ERC2: variants seen among roughly 807,000 people sequenced by gnomAD.
ERC2 encodes ERC protein 2.
Under a neutral mutation model 114.8 loss-of-function variants are expected in ERC2, and 42 were observed. That is an observed-to-expected ratio of 0.37 (90% CI 0.29 to 0.47). ERC2 has a LOEUF of 0.47. ERC2 is among the 20% of genes least tolerant of loss of function. ERC2 has a pLI of 0.99. For synonymous variants in ERC2, 454 were observed against 425.5 expected (o/e 1.07, Z -0.82); for missense variants, 939 against 1,150.7 (o/e 0.82, Z 2.66).
intron 13 of ERC2, among the ~76,000 whole-genome samples, chr3:55,927,578 A>G (rs1429358090): frequency 6.6e-6 from 1 of 152,200 alleles, no homozygotes; most frequent in Non-Finnish European, 1.5e-5. Context: ...TCAAGCATTT[A>G]TCCTTTCTTT....
At chr3:55,570,157 A>AC (rs2056624357) in intron 17 of ERC2, among the ~76,000 whole-genome samples, 1 of 151,180 alleles carries the variant, frequency 6.6e-6, no homozygotes, top group African/African-American at 2.4e-5. Flanking sequence ...ATCATGCCCG[A>AC]CCCCCCATTT....
intron 3 of ERC2, among the ~76,000 whole-genome samples, chr3:56,212,133 G>A (rs1233049365): frequency 6.6e-6 from 1 of 151,978 alleles, no homozygotes; most frequent in Non-Finnish European, 1.5e-5. Flanking sequence ...TACAACAAAA[G>A]TAATAAAGAA....
chr3:56,067,859 T>C (rs2076553426), intron 7 of ERC2, among the ~76,000 whole-genome samples: 1 of 152,250 alleles, frequency 6.6e-6, no homozygotes, highest in African/African-American at 2.4e-5. Context: ...TTTGCGTATG[T>C]TGAACCAGAC....
intron 14 of ERC2, among the ~76,000 whole-genome samples, chr3:55,853,918 ATGTTACATGCTTT>A: frequency 6.6e-6 from 1 of 152,322 alleles, no homozygotes; most frequent in African/African-American, 2.4e-5. Flanking sequence ...GATAAATTTT[ATGTTACATGCTTT>A]GACCACAAGG....
chr3:56,070,767 A>G (rs2076698458), intron 7 of ERC2, among the ~76,000 whole-genome samples: 1 of 152,218 alleles, frequency 6.6e-6, no homozygotes, highest in Non-Finnish European at 1.5e-5. Flanking sequence ...AGAATAGAAA[A>G]GCTCCGAAAT....
chr3:56,023,343 C>T (rs1432534398), intron 7 of ERC2, among the ~76,000 whole-genome samples: 2 of 152,132 alleles, frequency 1.3e-5, no homozygotes, highest in Admixed American at 6.5e-5. Context: ...TGAGGCCCTC[C>T]GAGGGATGGT....
At chr3:56,009,025 A>C (rs2072714512) in intron 9 of ERC2, among the ~76,000 whole-genome samples, 1 of 152,196 alleles carries the variant, frequency 6.6e-6, no homozygotes, top group African/African-American at 2.4e-5. Context: ...CCCAGTGCCA[A>C]GCACATCATG....
intron 3 of ERC2, among the ~76,000 whole-genome samples, chr3:56,213,908 C>T (rs1262426217): frequency 3.3e-5 from 5 of 152,118 alleles, no homozygotes; most frequent in African/African-American, 1.2e-4. Flanking sequence ...TAGAGTGGAC[C>T]TCCAGCAAAC....
chr3:56,178,370 C>T (rs948783528), intron 3 of ERC2, among the ~76,000 whole-genome samples: 5 of 152,140 alleles, frequency 3.3e-5, no homozygotes, highest in Non-Finnish European at 1.5e-5. Flanking sequence ...TGGCATCAGA[C>T]CACCACCATT....
At chr3:56,042,850 T>C (rs2075268271) in intron 7 of ERC2, among the ~76,000 whole-genome samples, 2 of 152,184 alleles carry the variant, frequency 1.3e-5, no homozygotes, top group South Asian at 4.1e-4. Flanking sequence ...TGGTAAGGAA[T>C]TTTGTGTAAT....
chr3:55,901,473 T>C (rs1011664057), intron 13 of ERC2, among the ~76,000 whole-genome samples: 13 of 152,314 alleles, frequency 8.5e-5, no homozygotes, highest in Non-Finnish European at 1.6e-4. Context: ...TGAGGTCACC[T>C]TGTCATGTCC....
intron 1 of ERC2, among the ~76,000 whole-genome samples, chr3:56,457,796 C>G (rs2063131173): frequency 6.6e-6 from 1 of 152,106 alleles, no homozygotes; most frequent in Non-Finnish European, 1.5e-5. Context: ...GTTATTTGTA[C>G]CTTCAAATCC....
intron 16 of ERC2, among the ~76,000 whole-genome samples, chr3:55,696,406 A>G (rs990511682): frequency 5.9e-5 from 9 of 152,340 alleles, no homozygotes; most frequent in African/African-American, 2.2e-4. Flanking sequence ...GGAATCAGGA[A>G]TCCCTGAAAG....
intron 14 of ERC2, among the ~76,000 whole-genome samples, chr3:55,879,117 G>A (rs533256119): frequency 8.6e-4 from 9 of 10,442 alleles, no homozygotes; most frequent in Non-Finnish European, 1.7e-3. Context: ...TTTTGGCAGA[G>A]TTTCTGCATT....
At chr3:55,567,003 TA>T (rs2056420027) in intron 17 of ERC2, among the ~76,000 whole-genome samples, 1 of 152,150 alleles carries the variant, frequency 6.6e-6, no homozygotes. Flanking sequence ...GCCTGACCGA[TA>T]ATTAATTTTC....
At chr3:56,248,845 C>T (rs2051907691) in intron 3 of ERC2, among the ~76,000 whole-genome samples, 1 of 152,242 alleles carries the variant, frequency 6.6e-6, no homozygotes, top group African/African-American at 2.4e-5. Context: ...GCACACACAA[C>T]TGTATGTATG....
At chr3:55,807,925 C>A (rs1253926143) in intron 14 of ERC2, among the ~76,000 whole-genome samples, 2 of 152,140 alleles carry the variant, frequency 1.3e-5, no homozygotes, top group Admixed American at 1.3e-4. Context: ...GAGCATGAGG[C>A]TTTTGGAAGT....
At chr3:56,230,594 A>G (rs2050556253) in intron 3 of ERC2, among the ~76,000 whole-genome samples, 1 of 152,170 alleles carries the variant, frequency 6.6e-6, no homozygotes, top group African/African-American at 2.4e-5. Flanking sequence ...ATTATTATAA[A>G]TAGGGTATTC....
At chr3:56,090,228 G>A (rs572142717) in intron 6 of ERC2, among the ~76,000 whole-genome samples, 30 of 152,234 alleles carry the variant, frequency 2.0e-4, no homozygotes, top group African/African-American at 6.5e-4. Flanking sequence ...CTGGCTCTAC[G>A]GATGAGGGTG....
Sources: allele counts gnomAD v4.1 joint callset (sites outside exome capture counted in the v4.1 genomes callset), GRCh38; gene constraint gnomAD v4.1.1; transcripts MANE v1.5; gene names NCBI Gene and HGNC (gene_info 2026-07-23, HGNC 2026-07-21).